The following CNTN5 variants were observed in gnomAD, a reference collection of about 807,000 sequenced individuals.
The protein encoded by CNTN5 is contactin-5.
A neutral mutation model predicts 129.1 loss-of-function variants in CNTN5; 77 were observed. The observed-to-expected ratio is 0.60, with a 90% CI of 0.50 to 0.72. The LOEUF (loss-of-function observed/expected upper bound fraction) is 0.72. CNTN5 is among the 30% of genes least tolerant of loss of function. The probability of loss-of-function intolerance (pLI) is 0.00; values close to 1 mark genes in which losing one functional copy is unlikely to be tolerated. For synonymous variants in CNTN5, 509 were observed against 465.6 expected (o/e 1.09, Z -1.20); for missense variants, 1,478 against 1,328.8 (o/e 1.11, Z -1.75).
intron 9 of CNTN5, among the ~76,000 whole-genome samples, chr11:100,042,293 T>C (rs931286936): frequency 9.2e-5 from 14 of 152,156 alleles, no homozygotes; most frequent in Non-Finnish European, 1.5e-5. Flanking sequence ...TAGCTTTTCT[T>C]ATGATAGCTT....
At chr11:99,923,573 A>T (rs189128669) in intron 7 of CNTN5, among the ~76,000 whole-genome samples, 1 of 152,290 alleles carries the variant, frequency 6.6e-6, no homozygotes, top group East Asian at 1.9e-4. Context: ...TGGTTTATTT[A>T]CTTTGGGGTA....
chr11:99,300,733 G>T (rs1341416402), intron 1 of CNTN5, among the ~76,000 whole-genome samples: 2 of 151,882 alleles, frequency 1.3e-5, no homozygotes, highest in East Asian at 3.9e-4. Flanking sequence ...ATAGTAAAGA[G>T]AATCTTTCAG....
At chr11:100,050,488 G>T (rs550992968) in intron 9 of CNTN5, among the ~76,000 whole-genome samples, 2 of 152,068 alleles carry the variant, frequency 1.3e-5, no homozygotes, top group Admixed American at 6.6e-5. Flanking sequence ...GGTGGGGAGA[G>T]GGGGGAGGGA....
chr11:99,953,943 A>G (rs925764059), intron 7 of CNTN5, among the ~76,000 whole-genome samples: 2 of 152,250 alleles, frequency 1.3e-5, no homozygotes, highest in Non-Finnish European at 2.9e-5. Flanking sequence ...GATATTGCCT[A>G]GATTTTCTTC....
Position 99,634,684 on chromosome 11 carries a change from A to C in CNTN5, c.55+78415A>C, listed in dbSNP as rs11220751. ...ATCTGAAAGCACCCTCCCTCTGTCA[A>C]ACACCTTACATTTGTGAATGTATTC... On this transcript the variant is annotated intron_variant, in intron 3 of 24. Coordinates refer to ENST00000524871, the MANE Select transcript of CNTN5 (RefSeq NM_014361.4). 7.7e-4 allele frequency among the ~76,000 whole-genome samples: 117 copies of C among 152,250 alleles called. 1 individual carries two copies. In the East Asian group the frequency reaches 0.016, roughly 21 times the overall value.
At chr11:99,923,624 G>C (rs1280621281) in intron 7 of CNTN5, among the ~76,000 whole-genome samples, 1 of 152,092 alleles carries the variant, frequency 6.6e-6, no homozygotes, top group Non-Finnish European at 1.5e-5. Flanking sequence ...TGGTAATCTA[G>C]TTTTAGTTCT....
At chr11:100,275,429 A>G (rs1263139125) in intron 18 of CNTN5, among the ~76,000 whole-genome samples, 1 of 152,242 alleles carries the variant, frequency 6.6e-6, no homozygotes, top group Non-Finnish European at 1.5e-5. Flanking sequence ...CTTACTTTGC[A>G]TATTGTTAAT....
At chr11:99,827,989 G>A (rs1191361552) in intron 4 of CNTN5, among the ~76,000 whole-genome samples, 9 of 150,976 alleles carry the variant, frequency 6.0e-5, no homozygotes, top group Admixed American at 2.7e-4. Flanking sequence ...TCTACTGTGT[G>A]CAAGCTGTAC....
At chr11:99,528,899 A>G in intron 2 of CNTN5, among the ~76,000 whole-genome samples, 1 of 89,744 alleles carries the variant, frequency 1.1e-5, no homozygotes, top group East Asian at 2.1e-4. Flanking sequence ...CCCCGTTTCT[A>G]CTAAAAAAAA....
chr11:99,076,347 A>G (rs1865572080), intron 1 of CNTN5, among the ~76,000 whole-genome samples: 1 of 151,986 alleles, frequency 6.6e-6, no homozygotes, highest in Non-Finnish European at 1.5e-5. Flanking sequence ...ACAAAACAAA[A>G]ACAAACCAAA....
intron 1 of CNTN5, among the ~76,000 whole-genome samples, chr11:99,119,789 C>A (rs142955068): frequency 6.6e-4 from 101 of 152,186 alleles, no homozygotes; most frequent in Non-Finnish European, 1.1e-3. Context: ...CACAACCCCA[C>A]CAGCACCTGC....
At chr11:100,184,176 A>G (rs1365662547) in intron 13 of CNTN5, among the ~76,000 whole-genome samples, 1 of 152,138 alleles carries the variant, frequency 6.6e-6, no homozygotes, top group Non-Finnish European at 1.5e-5. Flanking sequence ...CATTTCACTT[A>G]TATTTTCAGT....
intron 20 of CNTN5, among the ~76,000 whole-genome samples, 178 bp from the exon 21 acceptor site, chr11:100,308,181 T>C (rs888094540): frequency 2.6e-5 from 4 of 151,824 alleles, no homozygotes; most frequent in African/African-American, 4.8e-5. Context: ...TTGATGAGAT[T>C]TGACCCAAGT....
chr11:99,251,108 T>C (rs1268445206), intron 1 of CNTN5, among the ~76,000 whole-genome samples: 1 of 151,968 alleles, frequency 6.6e-6, no homozygotes, highest in Non-Finnish European at 1.5e-5. Context: ...GACAGAGTTA[T>C]AGATTGCCAT....
At chr11:99,901,484 G>A (rs1316433040) in intron 6 of CNTN5, among the ~76,000 whole-genome samples, 1 of 151,898 alleles carries the variant, frequency 6.6e-6, no homozygotes, top group Non-Finnish European at 1.5e-5. Flanking sequence ...AATAGAGGTG[G>A]GTTTCACCAT....
intron 13 of CNTN5, among the ~76,000 whole-genome samples, chr11:100,117,996 G>T (rs188810752): frequency 1.3e-5 from 2 of 151,654 alleles, no homozygotes; most frequent in Admixed American, 1.3e-4. Flanking sequence ...AACACGAACT[G>T]GGAAAATTTC....
chr11:99,663,937 T>C (rs997092924), intron 3 of CNTN5, among the ~76,000 whole-genome samples: 15 of 152,180 alleles, frequency 9.9e-5, no homozygotes, highest in African/African-American at 3.6e-4. Flanking sequence ...CAAAAATTAT[T>C]AATGGGGAAT....
chr11:99,780,570 A>G (rs1945277920), intron 3 of CNTN5, among the ~76,000 whole-genome samples: 2 of 152,074 alleles, frequency 1.3e-5, no homozygotes, highest in South Asian at 4.1e-4. Context: ...CAGATGGGAG[A>G]TCAGAGTGTA....
At chr11:99,081,105 T>C (rs888806735) in intron 1 of CNTN5, among the ~76,000 whole-genome samples, 3 of 151,924 alleles carry the variant, frequency 2.0e-5, no homozygotes, top group Non-Finnish European at 4.4e-5. Flanking sequence ...AAATATAAGT[T>C]CATGGAATAG....
Sources: allele counts gnomAD v4.1 joint callset (sites outside exome capture counted in the v4.1 genomes callset), GRCh38; gene constraint gnomAD v4.1.1; transcripts MANE v1.5; gene names NCBI Gene and HGNC (gene_info 2026-07-23, HGNC 2026-07-21).